The following EPHB2 variants were observed in gnomAD, a reference collection of about 807,000 sequenced individuals.
The protein encoded by EPHB2 is ephrin type-B receptor 2.
A neutral mutation model predicts 96.4 loss-of-function variants in EPHB2; 18 were observed. The ratio of observed to expected loss-of-function variants is 0.19; its 90% confidence interval spans 0.13 to 0.28. EPHB2 has a LOEUF of 0.28. EPHB2 is among the 10% of genes least tolerant of loss of function. EPHB2 has a pLI of 1.00. For synonymous variants in EPHB2, 506 were observed against 534.1 expected (o/e 0.95, Z 0.72); for missense variants, 989 against 1,355.4 (o/e 0.73, Z 4.25).
intron 5 of EPHB2, among the ~76,000 whole-genome samples, chr1:22,874,741 C>T (rs1209584884): frequency 2.0e-5 from 3 of 152,174 alleles, no homozygotes; most frequent in Admixed American, 6.5e-5. Context: ...AGCACATGAA[C>T]AGCCAATTGC....
chr1:22,895,628 T>A (rs1223618351), intron 8 of EPHB2, 48 bp downstream of exon 8: 1 of 1,531,766 alleles, frequency 6.5e-7, no homozygotes, highest in Non-Finnish European at 9.0e-7. Flanking sequence ...CCCAGATGGC[T>A]TCTCTCTCTC....
chr1:22,896,352 T>A, intron 8 of EPHB2, 62 bp from the exon 9 acceptor site: 2 of 1,610,612 alleles, frequency 1.2e-6, no homozygotes, highest in African/African-American at 2.7e-5. Flanking sequence ...TATCACCTAC[T>A]GTGGCTCCCA....
chr1:22,777,184 G>A (rs1407859300), intron 1 of EPHB2, among the ~76,000 whole-genome samples: 1 of 152,204 alleles, frequency 6.6e-6, no homozygotes, highest in Non-Finnish European at 1.5e-5. Flanking sequence ...AGGTACAAGG[G>A]TGAGAAAACA....
rs573162497 is a variant in EPHB2 at position 22,865,914 on chromosome 1, G to A, written c.1303+702G>A. Among the ~76,000 whole-genome samples, 10 of 152,128 alleles carry A rather than the reference G, an allele frequency of 6.6e-5. No individual in the cohort carries two copies. In the East Asian group the frequency reaches 1.5e-3, roughly 24 times the overall value. ...TTAGTAACCTTTTCTGTGGCCTCAC[G>A]TCATCCTCCACCCCCCACCCTTCTT... is the stretch of plus-strand genomic sequence containing the variant. On this transcript the variant is annotated intron_variant, in intron 5 of 15. Transcript: ENST00000374630.
intron 3 of EPHB2, among the ~76,000 whole-genome samples, chr1:22,796,507 G>A (rs564859002): frequency 1.3e-5 from 2 of 152,290 alleles, no homozygotes; most frequent in Admixed American, 1.3e-4. Context: ...GTGAGTGCAC[G>A]GCCATTTCCA....
chr1:22,777,016 G>A (rs925749866), intron 1 of EPHB2, among the ~76,000 whole-genome samples: 7 of 152,200 alleles, frequency 4.6e-5, no homozygotes, highest in East Asian at 1.9e-4. Flanking sequence ...TTCAAGTGCC[G>A]GGATATCTCG....
Position 22,784,598 on chromosome 1 carries a change from C to T in EPHB2, c.333C>T (p.Phe111=). 1 of 1,614,190 alleles carries T rather than the reference C, an allele frequency of 6.2e-7. No individual in the cohort carries two copies. The highest frequency in any genetic ancestry group is 8.5e-7 in the Non-Finnish European group (1 of 1,180,032). ...PSVPGSCKET[F]NLYYYEADFD... ...TGCCTGGCTCCTGCAAGGAGACCTT[C>T]AACCTCTATTACTATGAGGCTGACT... The change falls in exon 3 of 16, where the codon TTC becomes TTT. Residue 111 remains phenylalanine (F), a synonymous_variant. Transcript: ENST00000374630. The surrounding 1 kb of genome is among the most constrained non-coding windows in gnomAD (Gnocchi z 5.1).
intron 3 of EPHB2, among the ~76,000 whole-genome samples, chr1:22,787,769 C>T (rs1644633255): frequency 6.6e-6 from 1 of 152,164 alleles, no homozygotes; most frequent in African/African-American, 2.4e-5. Flanking sequence ...TGCATTATCT[C>T]ATAGTTTCTG....
chr1:22,746,224 C>T (rs937455887), intron 1 of EPHB2, among the ~76,000 whole-genome samples: 1 of 152,216 alleles, frequency 6.6e-6, no homozygotes, highest in Non-Finnish European at 1.5e-5. Context: ...GGGGCAACTG[C>T]ATCTTTCACA....
intron 6 of EPHB2, among the ~76,000 whole-genome samples, chr1:22,884,187 A>G (rs1240839036): frequency 6.6e-6 from 1 of 152,188 alleles, no homozygotes; most frequent in Non-Finnish European, 1.5e-5. Context: ...TGAATGAGAG[A>G]CATGAGTGAT....
At chr1:22,796,856 C>T (rs1295870423) in intron 3 of EPHB2, among the ~76,000 whole-genome samples, 1 of 152,180 alleles carries the variant, frequency 6.6e-6, no homozygotes, top group Admixed American at 6.5e-5. Flanking sequence ...AAGCTGGGTA[C>T]AACTATTGCA....
At chr1:22,751,780 T>C (rs1644067302) in intron 1 of EPHB2, among the ~76,000 whole-genome samples, 4 of 152,210 alleles carry the variant, frequency 2.6e-5, no homozygotes, top group Admixed American at 2.6e-4. Context: ...AAGGCGGGAA[T>C]GATGTCAGCT....
rs146279273 is a variant in EPHB2 at position 22,745,495 on chromosome 1, A to G, written c.61+34452A>G. Among the ~76,000 whole-genome samples, 918 of 152,306 alleles carry G rather than the reference A, an allele frequency of 6.0e-3. 4 individuals are homozygous for G. The highest frequency in any genetic ancestry group is 7.4e-3 in the Non-Finnish European group (506 of 68,026). The stretch of plus-strand genomic sequence containing the variant: ...GAGGAACTTTTTGAGTGGTAGTTAC[A>G]TGGGTATATGCATTTGAGACATTCA... On this transcript the variant is annotated intron_variant, in intron 1 of 15. Coordinates refer to ENST00000374630, the MANE Select transcript of EPHB2 (RefSeq NM_017449.5).
intron 3 of EPHB2, among the ~76,000 whole-genome samples, chr1:22,787,933 G>A (rs1235573294): frequency 6.6e-6 from 1 of 152,196 alleles, no homozygotes; most frequent in East Asian, 1.9e-4. Context: ...GTTGTTGGCA[G>A]GACTCTGTCC....
rs77962086 is a variant in EPHB2 at position 22,858,294 on chromosome 1, A to G, written c.812-4743A>G. On this transcript the variant is annotated intron_variant, in intron 3 of 15. Transcript: ENST00000374630. This position sits in a 1 kb window ranked among gnomAD's most constrained non-coding sequence, Gnocchi z 7.7. ...CACAGGCCTTGTAGCCAGGCTAGGC[A>G]TGTGGGTCTATTCTAAGTGCAGTGG... Among the ~76,000 whole-genome samples the G allele has an allele frequency of 3.4e-3, 516 of 152,290 alleles. 2 individuals are homozygous for G. Among genetic ancestry groups the G allele is most frequent in the Middle Eastern group, 0.02 (6 of 294 alleles).
intron 6 of EPHB2, among the ~76,000 whole-genome samples, chr1:22,884,478 G>A (rs528294160): frequency 2.2e-4 from 33 of 152,062 alleles, no homozygotes; most frequent in Non-Finnish European, 4.0e-4. Context: ...AAATTAGCCC[G>A]GCGTGGTGGT....
chr1:22,840,877 T>A (rs969054568), intron 3 of EPHB2, among the ~76,000 whole-genome samples: 6 of 152,188 alleles, frequency 3.9e-5, no homozygotes, highest in Non-Finnish European at 7.3e-5. Flanking sequence ...CCCCCTGTGT[T>A]AGGTACTGTT....
intron 4 of EPHB2, 145 bp from the exon 5 acceptor site, chr1:22,864,732 A>G: frequency 1.6e-6 from 1 of 607,806 alleles, no homozygotes; most frequent in Non-Finnish European, 2.9e-6. Context: ...GTATTCTAGA[A>G]ACATTTCTCT....
intron 1 of EPHB2, among the ~76,000 whole-genome samples, chr1:22,774,107 A>G (rs1005631789): frequency 4.6e-5 from 7 of 151,984 alleles, no homozygotes; most frequent in African/African-American, 1.2e-4. Flanking sequence ...TGGGCCCTGT[A>G]TGTGGCGTGC....
Sources: gnomAD v4.1 joint callset for allele counts (sites outside exome capture counted in the v4.1 genomes callset) on GRCh38, gnomAD v4.1.1 for gene constraint, Gnocchi (gnomAD v3.1) non-coding constraint, MANE v1.5 for transcripts, NCBI Gene and HGNC (gene_info 2026-07-23, HGNC 2026-07-21) for gene names.